GNB1L: variants seen among roughly 807,000 people sequenced by gnomAD.
The protein encoded by GNB1L is guanine nucleotide-binding protein subunit beta-like protein 1.
In GNB1L, 20 loss-of-function variants were observed where a neutral mutation model predicts 29.1. The observed-to-expected ratio is 0.69, with a 90% CI of 0.48 to 1.00. GNB1L has a LOEUF of 1.00. Ranked by LOEUF, GNB1L falls within the 50% of genes least tolerant of loss-of-function variation. The pLI is 0.00. For synonymous variants in GNB1L, 193 were observed against 206.5 expected (o/e 0.93, Z 0.56); for missense variants, 421 against 464.9 (o/e 0.91, Z 0.87).
intron 5 of GNB1L, among the ~76,000 whole-genome samples, chr22:19,809,601 G>T (rs925143550): frequency 3.3e-5 from 5 of 152,202 alleles, no homozygotes; most frequent in Non-Finnish European, 5.9e-5. Flanking sequence ...GGCTTCAGCT[G>T]TAAACATTCA....
chr22:19,825,189 T>C (rs1198051651), intron 2 of GNB1L, among the ~76,000 whole-genome samples: 1 of 152,172 alleles, frequency 6.6e-6, no homozygotes, highest in African/African-American at 2.4e-5. Context: ...CACAAGGGCA[T>C]GGAACTAGCT....
In GNB1L at chr22:19,786,321, G is replaced by A. The variant is rs562422589; in HGVS notation, c.*2388C>T. The stretch of plus-strand genomic sequence containing the variant: ...GCCTGGGGCAGGGAGCTCAAGGCCA[G>A]GCTAGGGGGCAGCCGCCTGCCATCC... On this transcript the variant is annotated 3_prime_UTR_variant, in exon 8 of 8. Transcript: ENST00000329517. The A allele has an allele frequency of 2.6e-5, 4 of 152,492 alleles. No individual in the cohort carries two copies. Among genetic ancestry groups the A allele is most frequent in the African/African-American group, 9.6e-5 (4 of 41,602 alleles). The allele number at this position is 152,492 out of a possible 1,614,324, so 9.4% of individuals were successfully genotyped here.
intron 2 of GNB1L, 128 bp from the exon 3 acceptor site, chr22:19,821,503 G>A: frequency 1.1e-6 from 1 of 909,072 alleles, no homozygotes; most frequent in East Asian, 2.6e-5. Context: ...CCCCTCCTGG[G>A]AGAGAGGTGC....
intron 4 of GNB1L, among the ~76,000 whole-genome samples, chr22:19,815,108 C>T (rs115304192): frequency 2.6e-5 from 4 of 151,892 alleles, no homozygotes; most frequent in East Asian, 1.9e-4. Context: ...ACTAAGGAGA[C>T]GTGACAGCTC....
intron 2 of GNB1L, among the ~76,000 whole-genome samples, chr22:19,853,139 C>T (rs1440520557): frequency 6.6e-6 from 1 of 152,146 alleles, no homozygotes; most frequent in Non-Finnish European, 1.5e-5. Flanking sequence ...CCTCTCACAA[C>T]TGAGTGCCAC....
chr22:19,825,461 A>G (rs1937613156), intron 2 of GNB1L, among the ~76,000 whole-genome samples: 1 of 151,324 alleles, frequency 6.6e-6, no homozygotes, highest in South Asian at 2.1e-4. Context: ...CTTTACAAAA[A>G]ATAAAAATAA....
chr22:19,792,438 A>G lies in GNB1L; in HGVS notation c.733-3478T>C, dbSNP rs898419182. 13 of 1,574,126 alleles carry G rather than the reference A, an allele frequency of 8.3e-6. No individual in the cohort carries two copies. The East Asian group carries it at 2.7e-4, about 32-fold the overall frequency. On this transcript the variant is annotated intron_variant, in intron 7 of 7. Coordinates refer to ENST00000329517, the MANE Select transcript of GNB1L (RefSeq NM_053004.3). Reference sequence around the variant, plus strand: ...CATCGGACAGGACATCCAGCCCAAAAGAGACCTCACCCACTTTGTGAAATG... The same window carrying G: ...CATCGGACAGGACATCCAGCCCAAAGGAGACCTCACCCACTTTGTGAAATG...
At chr22:19,817,332 T>C (rs1370464942) in intron 4 of GNB1L, among the ~76,000 whole-genome samples, 1 of 152,046 alleles carries the variant, frequency 6.6e-6, no homozygotes, top group Non-Finnish European at 1.5e-5. Flanking sequence ...AATACAAAAA[T>C]TGGCTGGACG....
rs1300881487 is a variant in GNB1L at position 19,784,873 on chromosome 22, G to A, written c.*3836C>T. ...CTCCAGCCACTCAGGATCCCACTCT[G>A]GGCCGTGAAAGTTACTCCACAGAAC... On this transcript the variant is annotated 3_prime_UTR_variant, in exon 8 of 8. Coordinates refer to ENST00000329517, the MANE Select transcript of GNB1L (RefSeq NM_053004.3). 1.3e-5 allele frequency: 2 copies of A among 152,282 alleles called. No homozygotes were observed. Among genetic ancestry groups the A allele is most frequent in the Admixed American group, 1.3e-4 (2 of 15,288 alleles). The allele number at this position is 152,282 out of a possible 1,614,324, so 9.4% of individuals were successfully genotyped here. A position where few individuals can be genotyped will look rare whatever the true frequency, so the allele number is the denominator to read the frequency against.
At chr22:19,813,347 G>A (rs1654784975) in intron 4 of GNB1L, among the ~76,000 whole-genome samples, 2 of 152,146 alleles carry the variant, frequency 1.3e-5, no homozygotes, top group Admixed American at 6.5e-5. Flanking sequence ...AAACCAAGAG[G>A]AGTCTCAAGC....
At chr22:19,850,800 G>A (rs2145905703) in intron 2 of GNB1L, 5 of 1,286,016 alleles carry the variant, frequency 3.9e-6, no homozygotes, top group Non-Finnish European at 2.9e-6. Flanking sequence ...CAGTGTGGAA[G>A]ACACCAAGGG....
chr22:19,809,976 C>T (rs1332523247), intron 5 of GNB1L, among the ~76,000 whole-genome samples: 1 of 152,228 alleles, frequency 6.6e-6, no homozygotes, highest in African/African-American at 2.4e-5. Context: ...CTGTGTTGCC[C>T]AGGCTGGTCT....
chr22:19,851,816 C>T (rs754317433), intron 2 of GNB1L: 120 of 1,613,934 alleles, frequency 7.4e-5, no homozygotes, highest in Non-Finnish European at 9.6e-5. Context: ...GGCCTGGGCT[C>T]GGCCTGTTAG....
chr22:19,816,681 C>T lies in GNB1L; in HGVS notation c.254+3917G>A, dbSNP rs552079040. 1.5e-3 allele frequency among the ~76,000 whole-genome samples: 224 copies of T among 152,242 alleles called. 1 individual carries two copies. Among genetic ancestry groups the T allele is most frequent in the Non-Finnish European group, 2.8e-3 (193 of 67,994 alleles). On this transcript the variant is annotated intron_variant, in intron 4 of 7. Coordinates refer to ENST00000329517, the MANE Select transcript of GNB1L (RefSeq NM_053004.3). This position sits in a 1 kb window ranked among gnomAD's most constrained non-coding sequence, Gnocchi z 4.4. ...ACACCACACAGGCACCTCACACATACACAACTTACATACACAAACCTCACA... is the reference window on the plus strand; with the variant it reads ...ACACCACACAGGCACCTCACACATATACAACTTACATACACAAACCTCACA...
intron 2 of GNB1L, among the ~76,000 whole-genome samples, chr22:19,843,175 G>C (rs754161198): frequency 2.0e-5 from 3 of 152,176 alleles, no homozygotes; most frequent in Non-Finnish European, 4.4e-5. Context: ...CTCTCAGCCC[G>C]TCTGTCAACA....
intron 2 of GNB1L, among the ~76,000 whole-genome samples, chr22:19,823,076 G>C (rs1937591788): frequency 6.6e-6 from 1 of 152,168 alleles, no homozygotes; most frequent in African/African-American, 2.4e-5. Context: ...GGTCCACCCT[G>C]CCTGGCGAGA....
rs554803390 is a variant in GNB1L at position 19,839,883 on chromosome 22, ATAATAATAAC to A, written c.-21+14550_-21+14559del. Among the ~76,000 whole-genome samples, 381 of 150,500 alleles carry A rather than the reference ATAATAATAAC, an allele frequency of 2.5e-3. 1 individual carries two copies. Among genetic ancestry groups the A allele is most frequent in the Non-Finnish European group, 3.7e-3 (250 of 67,556 alleles). ...CAACAGAGACTCCGTCTCAATAATA[ATAATAATAAC>A]AATAATAATAATAATAATAATAAGC... On this transcript the variant is annotated intron_variant, in intron 2 of 7. Coordinates refer to ENST00000329517, the MANE Select transcript of GNB1L (RefSeq NM_053004.3).
chr22:19,800,014 C>T (rs1463714477), intron 7 of GNB1L, among the ~76,000 whole-genome samples: 1 of 152,244 alleles, frequency 6.6e-6, no homozygotes, highest in Non-Finnish European at 1.5e-5. Flanking sequence ...GGGGAAACGC[C>T]TCTCCTTCGA....
intron 4 of GNB1L, among the ~76,000 whole-genome samples, chr22:19,819,272 G>A (rs912906064): frequency 5.3e-5 from 8 of 152,256 alleles, no homozygotes; most frequent in Admixed American, 3.3e-4. Context: ...GTGTGAAGCA[G>A]GGCCCTGTGA....
Sources: gnomAD v4.1 joint callset for allele counts (sites outside exome capture counted in the v4.1 genomes callset) on GRCh38, gnomAD v4.1.1 for gene constraint, Gnocchi (gnomAD v3.1) non-coding constraint, MANE v1.5 for transcripts, NCBI Gene and HGNC (gene_info 2026-07-23, HGNC 2026-07-21) for gene names.